KRR1: variants seen among roughly 807,000 people sequenced by gnomAD.
The protein encoded by KRR1 is KRR1 small subunit processome component.
KRR1 carries 23 observed loss-of-function variants against 50.0 expected under a neutral mutation model. The ratio of observed to expected loss-of-function variants is 0.46; its 90% CI spans 0.33 to 0.65. The LOEUF is 0.65. Among genes scored for constraint, KRR1 ranks in the 30% least tolerant of loss-of-function variants. The probability of loss-of-function intolerance (pLI) is 0.02; values close to 1 mark genes in which losing one functional copy is unlikely to be tolerated. For missense variants in KRR1, 419 were observed against 442.4 expected, an observed-to-expected ratio of 0.95 and a Z score of 0.47; for synonymous variants, 133 against 146.3, an observed-to-expected ratio of 0.91 and a Z score of 0.66.
At chr12:75,499,995 A>T in intron 9 of KRR1, 44 bp from the exon 10 acceptor site, 1 of 1,449,932 alleles carries the variant, frequency 6.9e-7, no homozygotes, top group Non-Finnish European at 9.3e-7. Context: ...TTTAGATTTT[A>T]CCAAGTAAAA....
rs1039322491 is a variant in KRR1, at chr12:75,495,680, T to C, written c.*4129A>G. The C allele has an allele frequency of 2.9e-6, 4 of 1,363,872 alleles. No individual in the cohort carries two copies. Among genetic ancestry groups the C allele is most frequent in the Non-Finnish European group, 3.1e-6 (3 of 953,582 alleles). The allele number at this position is 1,363,872 out of a possible 1,614,324, so 84.5% of individuals were successfully genotyped here. On this transcript the variant is annotated 3_prime_UTR_variant, in exon 10 of 10. Coordinates refer to ENST00000229214, the MANE Select transcript of KRR1 (RefSeq NM_007043.7). ...TCTCTGTGGTGAGTAAAAGGAACAA[T>C]ACACCAATAGAATAACATAATAGTA...
At position 75,499,028 on chromosome 12, in the gene KRR1, C is replaced by CT. The variant is rs771236109; in HGVS notation, c.*780dup. 3.6e-4 allele frequency: 451 copies of CT among 1,268,246 alleles called. No individual in the cohort carries two copies. Among genetic ancestry groups the CT allele is most frequent in the South Asian group, 5.3e-4 (33 of 61,958 alleles). 78.6% of individuals were successfully genotyped at this position (1,268,246 alleles called of 1,614,324 possible). ...AAAAACCAACCTCATTCACATATGGCTTTTTTTTTAACCAATAACAATTAG... is the reference window on the plus strand; with the variant it reads ...AAAAACCAACCTCATTCACATATGGCTTTTTTTTTTAACCAATAACAATTAG... On this transcript the variant is annotated 3_prime_UTR_variant, in exon 10 of 10. Transcript: ENST00000229214.
chr12:75,503,754 A>G, intron 7 of KRR1, 150 bp downstream of exon 7: 1 of 648,410 alleles, frequency 1.5e-6, no homozygotes, highest in Non-Finnish European at 2.5e-6. Context: ...ATGCCTATTT[A>G]TATTTACCCT....
intron 2 of KRR1, 142 bp from the exon 3 acceptor site, chr12:75,507,058 G>C (rs375364151): frequency 2.7e-5 from 17 of 626,832 alleles, no homozygotes; most frequent in African/African-American, 2.5e-4. Flanking sequence ...AGGTAGTTAA[G>C]TATAAATAAT....
rs1226990579 is a variant in KRR1 at position 75,491,098 on chromosome 12, T to C, written c.*8711A>G. ...CTGATCATACTGAAAATATACATTT[T>C]CTATTTTTCACTTAAAATTATGCTG... On this transcript the variant is annotated 3_prime_UTR_variant, in exon 10 of 10. Coordinates refer to ENST00000229214, the MANE Select transcript of KRR1 (RefSeq NM_007043.7). 6.6e-6 allele frequency: 1 copy of C among 152,322 alleles called. No homozygotes were observed. The highest frequency in any genetic ancestry group is 1.9e-4 in the East Asian group (1 of 5,190). The allele number at this position is 152,322 out of a possible 1,614,324, so 9.4% of individuals were successfully genotyped here.
In KRR1 at chr12:75,501,756, G is replaced by C; in HGVS notation, c.970C>G (p.Pro324Ala). Residue 324 changes from proline to alanine, a missense_variant, in exon 9 of 10, where the codon CCT (proline) becomes GCT (alanine). By Grantham distance (27) the Pro-to-Ala change is conservative. Transcript: ENST00000229214. ...GGTTTCACAATTGGTTTTTCCTTAG[G>C]TGGAATAAATGCTTTGTTTCTTTCC... Reference protein sequence around the residue: ...QEERNKAFIPPKEKPIVKPKE... With the variant: ...QEERNKAFIPAKEKPIVKPKE... 1.9e-6 allele frequency: 3 copies of C among 1,610,626 alleles called. No individual in the cohort carries two copies. Among genetic ancestry groups the C allele is most frequent in the Non-Finnish European group, 2.5e-6 (3 of 1,178,042 alleles).
Position 75,501,824 on chromosome 12 carries a change from A to G in KRR1, c.910-8T>C, listed in dbSNP as rs760760845. ...GGCTTCTGCTTGTTTAGCCTACATT[A>G]ATAAATAAAAAATATATCAGTTAAA... is the stretch of plus-strand genomic sequence containing the variant. On this transcript the variant is annotated splice_polypyrimidine_tract_variant and splice_region_variant and intron_variant, in intron 8 of 9. Coordinates refer to ENST00000229214, the MANE Select transcript of KRR1 (RefSeq NM_007043.7). 30 of 1,588,176 alleles carry G rather than the reference A, an allele frequency of 1.9e-5. No individual in the cohort carries two copies. Among genetic ancestry groups the G allele is most frequent in the Non-Finnish European group, 2.6e-5 (30 of 1,165,288 alleles).
At chr12:75,509,438 G>A (rs2046436645) in intron 1 of KRR1, among the ~76,000 whole-genome samples, 1 of 152,072 alleles carries the variant, frequency 6.6e-6, no homozygotes. Context: ...GCCTCAGACA[G>A]GTAAACTTTC....
Position 75,495,413 on chromosome 12 carries a change from A to G in KRR1, c.*4396T>C. ...ACATAGAATGAACTATGCAAATATTAGCAGCCTTCCATTTCTGCCTTCCTG... is the reference window on the plus strand; with the variant it reads ...ACATAGAATGAACTATGCAAATATTGGCAGCCTTCCATTTCTGCCTTCCTG... On this transcript the variant is annotated 3_prime_UTR_variant, in exon 10 of 10. Transcript: ENST00000229214. 1 of 571,638 alleles carries G rather than the reference A, an allele frequency of 1.7e-6. No homozygotes were observed. The highest frequency in any genetic ancestry group is 3.2e-6 in the Non-Finnish European group (1 of 312,386). The allele number at this position is 571,638 out of a possible 1,614,324, so 35.4% of individuals were successfully genotyped here.
chr12:75,500,150 A>AAAAC, intron 9 of KRR1, 199 bp from the exon 10 acceptor site: 1 of 404,176 alleles, frequency 2.5e-6, no homozygotes, highest in Non-Finnish European at 4.3e-6. Flanking sequence ...AGATTAAGAT[A>AAAAC]AAACAAATCA....
At chr12:75,508,501 C>G in intron 1 of KRR1, 55 bp from the exon 2 acceptor site, 1 of 1,349,796 alleles carries the variant, frequency 7.4e-7, no homozygotes, top group South Asian at 1.3e-5. Context: ...TGGACATACA[C>G]ATCACATTTT....
In KRR1 at chr12:75,498,719, A is replaced by ACGTACGTACATCAAT; in HGVS notation, c.*1075_*1089dup. The ACGTACGTACATCAAT allele has an allele frequency of 6.2e-7, 1 of 1,612,752 alleles. No individual in the cohort carries two copies. The highest frequency in any genetic ancestry group is 1.7e-5 in the Admixed American group (1 of 59,964). On this transcript the variant is annotated 3_prime_UTR_variant, in exon 10 of 10. Transcript: ENST00000229214. ...TTAACCGACAGCGAGACCAAGTCAA[A>ACGTACGTACATCAAT]CGTACGTACATCAATCTTAAATTGT... is the stretch of plus-strand genomic sequence containing the variant.
In KRR1 at chr12:75,508,310, C is replaced by A; in HGVS notation, c.222G>T (p.Glu74Asp). 1 of 1,613,146 alleles carries A rather than the reference C, an allele frequency of 6.2e-7. No homozygotes were observed. Among genetic ancestry groups the A allele is most frequent in the South Asian group, 1.1e-5 (1 of 90,974 alleles). ...FPKYREAYLK[E>D]CWPLVQKALN... The stretch of plus-strand genomic sequence containing the variant: ...AGGCTTTCTGCACCAATGGCCAACA[C>A]TCTTTCAAGTAAGCTTCCCTGTATT... Residue 74 changes from glutamate to aspartate, a missense_variant, in exon 2 of 10, where the codon GAG becomes GAT. Physicochemically the swap from Glu to Asp is conservative, Grantham distance 45. Coordinates refer to ENST00000229214, the MANE Select transcript of KRR1 (RefSeq NM_007043.7).
rs2046357489 is a variant in KRR1, at chr12:75,497,349, G to A, written c.*2460C>T. The A allele has an allele frequency of 1.3e-5, 2 of 152,162 alleles. No homozygotes were observed. The highest frequency in any genetic ancestry group is 4.8e-5 in the African/African-American group (2 of 41,446). 9.4% of individuals were successfully genotyped at this position (152,162 alleles called of 1,614,324 possible). A position where few individuals can be genotyped will look rare whatever the true frequency, so the allele number is the denominator to read the frequency against. On this transcript the variant is annotated 3_prime_UTR_variant, in exon 10 of 10. Coordinates refer to ENST00000229214, the MANE Select transcript of KRR1 (RefSeq NM_007043.7). ...TAACATTTAGAAGATTAAAGCTGTAGTCCAATAATGAAAACCCTTGGACTC... is the reference window on the plus strand; with the variant it reads ...TAACATTTAGAAGATTAAAGCTGTAATCCAATAATGAAAACCCTTGGACTC...
intron 7 of KRR1, chr12:75,503,494 C>T (rs988776655): frequency 6.5e-6 from 1 of 152,778 alleles, no homozygotes; most frequent in South Asian, 2.1e-4. Context: ...CAGAAGACAC[C>T]TGACAAAAGG....
In KRR1 at chr12:75,496,293, T is replaced by G. The variant is rs1321726441; in HGVS notation, c.*3516A>C. 6.6e-6 allele frequency: 1 copy of G among 152,120 alleles called. No homozygotes were observed. Among genetic ancestry groups the G allele is most frequent in the East Asian group, 2.0e-4 (1 of 5,100 alleles). The allele number at this position is 152,120 out of a possible 1,614,324, so 9.4% of individuals were successfully genotyped here. Reference sequence around the variant, plus strand: ...TCACTTGAGCCCAGGAGGTGGAGGTTGCAGTGAGCAGAGATTGTACCACTG... The same window carrying G: ...TCACTTGAGCCCAGGAGGTGGAGGTGGCAGTGAGCAGAGATTGTACCACTG... On this transcript the variant is annotated 3_prime_UTR_variant, in exon 10 of 10. Transcript: ENST00000229214.
intron 5 of KRR1, among the ~76,000 whole-genome samples, chr12:75,505,866 A>C (rs1328304775): frequency 1.3e-5 from 2 of 152,112 alleles, no homozygotes; most frequent in African/African-American, 4.8e-5. Context: ...AAAGTTATTA[A>C]ACATTATACT....
chr12:75,495,601 T>G lies in KRR1; in HGVS notation c.*4208A>C. 6.2e-7 allele frequency: 1 copy of G among 1,609,610 alleles called. No individual in the cohort carries two copies. The highest frequency in any genetic ancestry group is 8.5e-7 in the Non-Finnish European group (1 of 1,175,958). ...GAGGGAATTACCCAACTTGGCCATA[T>G]AAGAGAGGAGCCACCTGCAGTGCCT... On this transcript the variant is annotated 3_prime_UTR_variant, in exon 10 of 10. Coordinates refer to ENST00000229214, the MANE Select transcript of KRR1 (RefSeq NM_007043.7).
chr12:75,506,610 CT>C lies in KRR1; in HGVS notation c.394-2del. On this transcript the variant is annotated splice_acceptor_variant, in intron 3 of 9. Transcript: ENST00000229214. LOFTEE classifies it high-confidence loss of function. ...CATCATCCTGAAGAATTCGTACTGC[CT>C]TTTGCAAAAAAAAAAAAAAAAAGAA... The C allele has an allele frequency of 7.2e-7, 1 of 1,396,284 alleles. No homozygotes were observed. Among genetic ancestry groups the C allele is most frequent in the Non-Finnish European group, 9.2e-7 (1 of 1,083,514 alleles). 86.5% of individuals were successfully genotyped at this position (1,396,284 alleles called of 1,614,324 possible).
Sources: allele counts gnomAD v4.1 joint callset (sites outside exome capture counted in the v4.1 genomes callset), GRCh38; gene constraint gnomAD v4.1.1; transcripts MANE v1.5; gene names NCBI Gene and HGNC (gene_info 2026-07-23, HGNC 2026-07-21).